TENM1: variants seen among roughly 807,000 people sequenced by gnomAD.
TENM1 encodes teneurin-1.
TENM1 carries 35 observed loss-of-function variants against 174.8 expected under a neutral mutation model. The ratio of observed to expected loss-of-function variants is 0.20; its 90% confidence interval spans 0.15 to 0.27. The LOEUF (loss-of-function observed/expected upper bound fraction) is 0.27. TENM1 is among the 10% of genes least tolerant of loss of function. The probability of loss-of-function intolerance (pLI) is 1.00; values close to 1 mark genes in which losing one functional copy is unlikely to be tolerated. For missense variants in TENM1, 1,633 were observed against 2,130.1 expected, an observed-to-expected ratio of 0.77 and a Z score of 4.59; for synonymous variants, 781 against 798.7, an observed-to-expected ratio of 0.98 and a Z score of 0.37.
At chrX:125,003,742 C>T in the TENM1 span, among the ~76,000 whole-genome samples, 1 of 111,775 alleles carries the variant, frequency 8.9e-6, no homozygotes. Flanking sequence ...AAACATGCTT[C>T]AGGCATGGGG....
chrX:124,652,522 T>C (rs1166995190), intron 7 of TENM1, among the ~76,000 whole-genome samples: 1 of 112,289 alleles, frequency 8.9e-6, no homozygotes, highest in Non-Finnish European at 1.9e-5. Flanking sequence ...TAAAAATGAA[T>C]AAATAAAAAA....
chrX:124,542,594 T>C (rs1265454781), intron 15 of TENM1, among the ~76,000 whole-genome samples: 2 of 111,579 alleles, frequency 1.8e-5, no homozygotes, highest in East Asian at 2.8e-4. Flanking sequence ...CTTTAAGCTG[T>C]TCTTAAAATT....
chrX:124,765,170 G>C (rs1304887324), intron 3 of TENM1, among the ~76,000 whole-genome samples: 1 of 111,834 alleles, frequency 8.9e-6, no homozygotes, highest in Admixed American at 9.5e-5. Flanking sequence ...GGCAGTTACT[G>C]TGTCAGGAAT....
Position 124,920,992 on chromosome X carries a change from CTT to C in TENM1, c.218-24753_218-24752del, listed in dbSNP as rs57791567. Among the ~76,000 whole-genome samples the C allele has an allele frequency of 1.8e-3, 155 of 85,802 alleles. 1 individual carries two copies. The highest frequency in any genetic ancestry group is 6.1e-3 in the African/African-American group (144 of 23,687). 74.5% of individuals were successfully genotyped at this position (85,802 alleles called of 115,157 possible). On this transcript the variant is annotated intron_variant, in intron 1 of 31. Coordinates refer to ENST00000422452, the Ensembl canonical transcript of TENM1. The stretch of plus-strand genomic sequence containing the variant: ...TAGGAAGTCCCTTTATATAACAAGA[CTT>C]TTTTTTTTTTTTTTTTAAAGACCTT...
chrX:124,660,268 G>A (rs1409767180), intron 6 of TENM1, among the ~76,000 whole-genome samples: 1 of 108,933 alleles, frequency 9.2e-6, no homozygotes, highest in African/African-American at 3.4e-5. Flanking sequence ...CCAGCTACTC[G>A]GGAGGCTGAG....
At chrX:124,378,416 G>C (rs1452954812) in exon 32 of TENM1, 1 of 112,330 alleles carries the variant, frequency 8.9e-6, no homozygotes, top group East Asian at 2.8e-4. Flanking sequence ...AAGAACATCA[G>C]AGGTTCTAGG....
At chrX:124,478,953 T>C (rs181663460) in intron 22 of TENM1, among the ~76,000 whole-genome samples, 2 of 112,448 alleles carry the variant, frequency 1.8e-5, no homozygotes, top group East Asian at 5.6e-4. Flanking sequence ...TTTTTTCCTT[T>C]TATGGAAGTC....
intron 3 of TENM1, among the ~76,000 whole-genome samples, chrX:124,761,962 C>T (rs1334586435): frequency 2.7e-5 from 3 of 112,021 alleles, no homozygotes; most frequent in Admixed American, 9.4e-5. Context: ...AAAACTGAAT[C>T]GCCTCTTTAT....
intron 1 of TENM1, among the ~76,000 whole-genome samples, chrX:124,933,608 G>T (rs2058204609): frequency 8.9e-6 from 1 of 112,194 alleles, no homozygotes; most frequent in African/African-American, 3.2e-5. Context: ...GGCTTTGTTA[G>T]AAATTTACTA....
chrX:125,160,567 A>AAAAAAAAAG, the TENM1 span, among the ~76,000 whole-genome samples: 1 of 105,336 alleles, frequency 9.5e-6, no homozygotes, highest in Non-Finnish European at 1.9e-5. Context: ...AAAAAAAAAA[A>AAAAAAAAAG]AACAGAGAGA....
intron 23 of TENM1, among the ~76,000 whole-genome samples, chrX:124,444,404 T>C (rs2060943519): frequency 8.9e-6 from 1 of 112,017 alleles, no homozygotes; most frequent in Non-Finnish European, 1.9e-5. Context: ...ATGTCAAATG[T>C]GTGATACAGC....
chrX:124,396,318 T>TTTTTTTTTTTTTTTTGGGG, intron 27 of TENM1, among the ~76,000 whole-genome samples: 1 of 101,572 alleles, frequency 9.8e-6, no homozygotes, highest in East Asian at 3.1e-4. Context: ...TTTTTTTTTT[T>TTTTTTTTTTTTTTTTGGGG]CGAGCCGGAG....
chrX:124,898,572 A>G (rs777660801), intron 1 of TENM1, among the ~76,000 whole-genome samples: 33 of 110,394 alleles, frequency 3.0e-4, no homozygotes, highest in Non-Finnish European at 5.1e-4. Flanking sequence ...AAAGATTTTA[A>G]TATGAGCATC....
chrX:125,046,836 A>ATG, the TENM1 span, among the ~76,000 whole-genome samples: 153 of 95,967 alleles, frequency 1.6e-3, 1 homozygote, highest in South Asian at 4.8e-3. Context: ...GTGTGTGTGC[A>ATG]TGTGTGTGTG....
the TENM1 span, among the ~76,000 whole-genome samples, chrX:125,151,049 A>G: frequency 8.9e-6 from 1 of 112,335 alleles, no homozygotes; most frequent in Non-Finnish European, 1.9e-5. Context: ...ATCTGTCTGT[A>G]TAATATTCCT....
intron 20 of TENM1, 138 bp from the exon 24 acceptor site, chrX:124,487,367 A>C: frequency 1.8e-6 from 1 of 542,661 alleles, no homozygotes; most frequent in Non-Finnish European, 3.0e-6. Flanking sequence ...TATGGGGATC[A>C]TTTAGTCAGG....
intron 15 of TENM1, among the ~76,000 whole-genome samples, chrX:124,542,148 T>TGCTA (rs201764918): frequency 0.016 from 1,830 of 112,514 alleles, 43 homozygotes; most frequent in African/African-American, 0.054. Flanking sequence ...AGATAAGCCA[T>TGCTA]GCTAGCCATG....
At chrX:124,723,065 C>G (rs1032655269) in intron 4 of TENM1, among the ~76,000 whole-genome samples, 3 of 110,959 alleles carry the variant, frequency 2.7e-5, no homozygotes, top group Non-Finnish European at 5.7e-5. Flanking sequence ...TGTATACCTC[C>G]TCACTAATGT....
chrX:124,458,567 G>A (rs1373677479), intron 22 of TENM1, among the ~76,000 whole-genome samples: 2 of 112,363 alleles, frequency 1.8e-5, no homozygotes, highest in Non-Finnish European at 3.8e-5. Flanking sequence ...ACATAGTAAA[G>A]GTCAATTTCC....
Sources: allele counts gnomAD v4.1 joint callset (sites outside exome capture counted in the v4.1 genomes callset), GRCh38; gene constraint gnomAD v4.1.1; transcripts MANE v1.5; gene names NCBI Gene and HGNC (gene_info 2026-07-23, HGNC 2026-07-21).